Variants in R3HDM2 observed in about 807,000 individuals in gnomAD.
The protein encoded by R3HDM2 is R3H domain containing 2, also known as R3H domain-containing protein 2.
A neutral mutation model predicts 124.5 loss-of-function variants in R3HDM2; 38 were observed. That is an observed-to-expected ratio of 0.31 (90% CI 0.24 to 0.40). The LOEUF (loss-of-function observed/expected upper bound fraction) is 0.40. Ranked by LOEUF, R3HDM2 falls within the 10% of genes least tolerant of loss-of-function variation. The pLI is 1.00. For synonymous variants in R3HDM2, 391 were observed against 448.0 expected, an observed-to-expected ratio of 0.87 and a Z score of 1.61; for missense variants, 869 against 1,236.9, an observed-to-expected ratio of 0.70 and a Z score of 4.46.
chr12:57,330,288 A>G (rs562687296), intron 2 of R3HDM2, among the ~76,000 whole-genome samples: 3 of 151,284 alleles, frequency 2.0e-5, no homozygotes, highest in Non-Finnish European at 4.4e-5. Context: ...ATTAATGTAC[A>G]GAAATGCAAC....
At chr12:57,267,015 G>C in intron 18 of R3HDM2, 184 bp from the exon 19 acceptor site, 1 of 504,644 alleles carries the variant, frequency 2.0e-6, no homozygotes, top group South Asian at 2.2e-5. Flanking sequence ...ATATGTATTT[G>C]TACTTGATCA....
chr12:57,276,279 T>A (rs1192280427), intron 14 of R3HDM2, among the ~76,000 whole-genome samples: 3 of 150,906 alleles, frequency 2.0e-5, no homozygotes, highest in Non-Finnish European at 4.4e-5. Context: ...ACTGGGTATC[T>A]ACCCAGAGGA....
chr12:57,373,823 T>G lies in R3HDM2; in HGVS notation c.-36+21926A>C, dbSNP rs191562078. ...AGCAAAACTCCTTCTCAAAAATAAA[T>G]AAATAAATAAATAATAATAATAATA... is the stretch of plus-strand genomic sequence containing the variant. On this transcript the variant is annotated intron_variant, in intron 2 of 23. Coordinates refer to ENST00000402412, the MANE Select transcript of R3HDM2 (RefSeq NM_001394031.1). Among the ~76,000 whole-genome samples, 3 of 133,768 alleles carry G rather than the reference T, an allele frequency of 2.2e-5. No individual in the cohort carries two copies. In the Admixed American group the frequency reaches 2.4e-4, roughly 11 times the overall value. 87.8% of individuals were successfully genotyped at this position (133,768 alleles called of 152,430 possible).
chr12:57,375,242 G>C (rs1331706685), intron 2 of R3HDM2, among the ~76,000 whole-genome samples: 1 of 152,002 alleles, frequency 6.6e-6, no homozygotes, highest in Non-Finnish European at 1.5e-5. Flanking sequence ...TCAGACAACT[G>C]GAAATTTTAG....
rs535677857 is a variant in R3HDM2, at chr12:57,401,789, G to C, written c.-105-5971C>G. On this transcript the variant is annotated intron_variant, in intron 1 of 23. Transcript: ENST00000402412. Reference sequence around the variant, plus strand: ...ATTTGGGGTCAGGAGTTCGAGACCAGCCTGGCCAACATGGTGAAACCCCTG... The same window carrying C: ...ATTTGGGGTCAGGAGTTCGAGACCACCCTGGCCAACATGGTGAAACCCCTG... Among the ~76,000 whole-genome samples the C allele has an allele frequency of 5.3e-5, 8 of 151,994 alleles. No individual in the cohort carries two copies. The East Asian group carries it at 1.6e-3, about 30-fold the overall frequency.
rs2039568104 is a variant in R3HDM2 at position 57,258,020 on chromosome 12, G to C, written c.2419C>G (p.Gln807Glu). The C allele has an allele frequency of 6.3e-7, 1 of 1,585,852 alleles. No homozygotes were observed. Among genetic ancestry groups the C allele is most frequent in the Non-Finnish European group, 8.6e-7 (1 of 1,160,764 alleles). Residue 807 changes from glutamine (Q) to glutamate (E), a missense_variant, in exon 21 of 24, where the codon CAG (glutamine) becomes GAG (glutamate). Gln to Glu is a conservative substitution (Grantham distance 29). This residue lies in a region of R3HDM2 where 602 missense variants were observed against 789.2 expected (regional missense o/e 0.76). Transcript: ENST00000402412. The part of the protein sequence containing the change: ...TGLSPLPVLT[Q>E]FPRPGGPAQG... ...GCTGGACCCCCAGGCCGGGGGAACT[G>C]TGTGAGGACAGGCAGGGGACTGAGT...
intron 1 of R3HDM2, among the ~76,000 whole-genome samples, chr12:57,425,012 C>A (rs936483695): frequency 1.0e-3 from 158 of 152,268 alleles, no homozygotes; most frequent in African/African-American, 3.7e-3. Flanking sequence ...GTGGCTCACG[C>A]CTATAATCCC....
intron 1 of R3HDM2, 130 bp downstream of exon 1, chr12:57,430,590 C>T (rs940314699): frequency 2.0e-6 from 2 of 984,932 alleles, no homozygotes; most frequent in Non-Finnish European, 2.4e-6. Context: ...ACCCATCGTC[C>T]CCGGGACCGG....
intron 2 of R3HDM2, among the ~76,000 whole-genome samples, chr12:57,364,675 C>T (rs1007909318): frequency 6.6e-6 from 1 of 151,396 alleles, no homozygotes; most frequent in Non-Finnish European, 1.5e-5. Flanking sequence ...GGACACCAGG[C>T]GGGGCGCAGT....
chr12:57,275,669 A>T (rs2044530226), intron 14 of R3HDM2, among the ~76,000 whole-genome samples: 1 of 152,236 alleles, frequency 6.6e-6, no homozygotes, highest in South Asian at 2.1e-4. Flanking sequence ...GGACATGAAT[A>T]GACAATTCTC....
chr12:57,361,949 A>G (rs1449948876), intron 2 of R3HDM2, among the ~76,000 whole-genome samples: 4 of 152,312 alleles, frequency 2.6e-5, no homozygotes, highest in Non-Finnish European at 5.9e-5. Context: ...CCTGGGCAAC[A>G]TGGCAAAACC....
chr12:57,296,388 C>G lies in R3HDM2; in HGVS notation c.701+23G>C. The G allele has an allele frequency of 6.4e-7, 1 of 1,551,658 alleles. No individual in the cohort carries two copies. The highest frequency in any genetic ancestry group is 8.7e-7 in the Non-Finnish European group (1 of 1,146,646). Reference sequence around the variant, plus strand: ...GCAGGTTATCCCAGGGAAGTCTTCCCAAACCATGGTTTCCTCCCTTACATT... The same window carrying G: ...GCAGGTTATCCCAGGGAAGTCTTCCGAAACCATGGTTTCCTCCCTTACATT... On this transcript the variant is annotated intron_variant, in intron 9 of 23. Coordinates refer to ENST00000402412, the MANE Select transcript of R3HDM2 (RefSeq NM_001394031.1). The surrounding 1 kb of genome is among the most constrained non-coding windows in gnomAD (Gnocchi z 4.5).
chr12:57,291,649 A>G (rs1398125882), intron 11 of R3HDM2, among the ~76,000 whole-genome samples: 1 of 150,564 alleles, frequency 6.6e-6, no homozygotes, highest in Non-Finnish European at 1.5e-5. Flanking sequence ...GCGAAACCCT[A>G]TCTAAAAAAA....
chr12:57,419,536 G>C (rs1471187627), intron 1 of R3HDM2, among the ~76,000 whole-genome samples: 1 of 151,602 alleles, frequency 6.6e-6, no homozygotes, highest in African/African-American at 2.4e-5. Flanking sequence ...CAAACTCCTG[G>C]GCTCAAGTGA....
At chr12:57,273,327 A>G (rs2043995675) in intron 14 of R3HDM2, among the ~76,000 whole-genome samples, 1 of 152,166 alleles carries the variant, frequency 6.6e-6, no homozygotes, top group South Asian at 2.1e-4. Context: ...GGATTTGTTT[A>G]CTAGGAACAT....
chr12:57,427,548 C>T (rs796528758), intron 1 of R3HDM2, among the ~76,000 whole-genome samples: 1 of 150,908 alleles, frequency 6.6e-6, no homozygotes, highest in African/African-American at 2.4e-5. Flanking sequence ...TGGGGTTTCA[C>T]CATGTTGGCC....
At chr12:57,311,512 C>T (rs532051136) in intron 2 of R3HDM2, among the ~76,000 whole-genome samples, 36 of 152,112 alleles carry the variant, frequency 2.4e-4, no homozygotes, top group Admixed American at 1.9e-3. Flanking sequence ...AGTCGTGAGC[C>T]ACCACGCCCA....
At chr12:57,394,057 T>C (rs1161275391) in intron 2 of R3HDM2, among the ~76,000 whole-genome samples, 1 of 152,042 alleles carries the variant, frequency 6.6e-6, no homozygotes, top group Non-Finnish European at 1.5e-5. Context: ...TCCCAACACT[T>C]TGGGAGGCCG....
At chr12:57,399,787 G>C (rs957055986) in intron 1 of R3HDM2, among the ~76,000 whole-genome samples, 2 of 152,076 alleles carry the variant, frequency 1.3e-5, no homozygotes, top group African/African-American at 4.8e-5. Flanking sequence ...CTTCCCCCCT[G>C]AAAGTTTTTA....
Sources: allele counts gnomAD v4.1 joint callset (sites outside exome capture counted in the v4.1 genomes callset), GRCh38; gene constraint gnomAD v4.1.1; regional missense constraint gnomAD v4.1.1; non-coding constraint Gnocchi (gnomAD v3.1); transcripts MANE v1.5; gene names NCBI Gene and HGNC (gene_info 2026-07-23, HGNC 2026-07-21).